LRRC7: variants seen among roughly 807,000 people sequenced by gnomAD.
LRRC7 encodes the protein leucine rich repeat containing 7.
A neutral mutation model predicts 175.7 loss-of-function variants in LRRC7; 23 were observed. That is an observed-to-expected ratio of 0.13 (90% CI 0.09 to 0.19). The LOEUF (loss-of-function observed/expected upper bound fraction) is 0.19, where lower values mean the gene tolerates loss of function less well. LRRC7 is among the 10% of genes least tolerant of loss of function. LRRC7 has a pLI of 1.00. For synonymous variants in LRRC7, 685 were observed against 680.9 expected, an observed-to-expected ratio of 1.01 and a Z score of -0.09; for missense variants, 1,354 against 1,904.7, an observed-to-expected ratio of 0.71 and a Z score of 5.38.
At chr1:69,820,451 G>A (rs1019580948) in intron 4 of LRRC7, among the ~76,000 whole-genome samples, 7 of 152,058 alleles carry the variant, frequency 4.6e-5, no homozygotes, top group Non-Finnish European at 7.4e-5. Context: ...CACGTGCCAT[G>A]GTGGTTTGCT....
rs1304548128 is a variant in LRRC7, at chr1:70,140,805, C to CAAAG, written c.*18920_*18923dup. Reference sequence around the variant, plus strand: ...AGGCCCTCCTATCCAATCACAGCCACAAAGACTGAATATTTTGGTTCAGAT... The same window carrying CAAAG: ...AGGCCCTCCTATCCAATCACAGCCACAAAGAAAGACTGAATATTTTGGTTCAGAT... On this transcript the variant is annotated 3_prime_UTR_variant, in exon 27 of 27. Coordinates refer to ENST00000651989, the MANE Select transcript of LRRC7 (RefSeq NM_001370785.2). Among the ~76,000 whole-genome samples, 1 of 152,122 alleles carries CAAAG rather than the reference C, an allele frequency of 6.6e-6. No individual in the cohort carries two copies. Among genetic ancestry groups the CAAAG allele is most frequent in the Non-Finnish European group, 1.5e-5 (1 of 67,996 alleles).
chr1:70,137,602 A>G lies in LRRC7; in HGVS notation c.*15715A>G, dbSNP rs1027266285. On this transcript the variant is annotated 3_prime_UTR_variant, in exon 27 of 27. Transcript: ENST00000651989. The stretch of plus-strand genomic sequence containing the variant: ...GTACCTAATAGACCCACCAGAGTTC[A>G]GTAAGAAATGCAACTTGAACAGCCC... Among the ~76,000 whole-genome samples, 2 of 152,228 alleles carry G rather than the reference A, an allele frequency of 1.3e-5. No homozygotes were observed. The highest frequency in any genetic ancestry group is 4.8e-5 in the African/African-American group (2 of 41,456).
At chr1:70,086,451 G>A (rs966899073) in intron 24 of LRRC7, among the ~76,000 whole-genome samples, 2 of 151,974 alleles carry the variant, frequency 1.3e-5, no homozygotes, top group East Asian at 1.9e-4. Flanking sequence ...ATATGTTTTC[G>A]GCCAAACCAT....
intron 11 of LRRC7, among the ~76,000 whole-genome samples, chr1:70,003,123 T>C (rs1655686849): frequency 6.6e-6 from 1 of 152,118 alleles, no homozygotes; most frequent in South Asian, 2.1e-4. Context: ...GCGACCACCA[T>C]GTTGCTGTGA....
At chr1:69,978,505 T>C (rs1653070133) in intron 8 of LRRC7, among the ~76,000 whole-genome samples, 1 of 152,214 alleles carries the variant, frequency 6.6e-6, no homozygotes, top group African/African-American at 2.4e-5. Flanking sequence ...TTCCCTATGA[T>C]CTAAGTGACA....
intron 22 of LRRC7, among the ~76,000 whole-genome samples, chr1:70,049,406 C>A (rs1295262611): frequency 2.0e-5 from 3 of 152,076 alleles, no homozygotes; most frequent in Admixed American, 6.6e-5. Context: ...GACTTAGTGG[C>A]TTATTTAATG....
At chr1:69,596,603 A>C (rs912200941) in intron 1 of LRRC7, among the ~76,000 whole-genome samples, 2 of 152,234 alleles carry the variant, frequency 1.3e-5, no homozygotes, top group African/African-American at 2.4e-5. Flanking sequence ...TTTAAGTGGG[A>C]CAAACTATTT....
chr1:69,909,497 C>A (rs1646448422), intron 7 of LRRC7, among the ~76,000 whole-genome samples: 1 of 152,068 alleles, frequency 6.6e-6, no homozygotes, highest in Admixed American at 6.6e-5. Flanking sequence ...ATTTGCTTGT[C>A]TGTAAAGTAT....
intron 1 of LRRC7, among the ~76,000 whole-genome samples, chr1:69,608,675 A>G (rs1439417981): frequency 6.6e-6 from 1 of 151,838 alleles, no homozygotes; most frequent in Non-Finnish European, 1.5e-5. Flanking sequence ...CAGGCTGTAC[A>G]TTTTGCTGAG....
In LRRC7 at chr1:70,023,171, A is replaced by G; in HGVS notation, c.1591A>G (p.Thr531Ala). 6.6e-7 allele frequency: 1 copy of G among 1,520,934 alleles called. No homozygotes were observed. Among genetic ancestry groups the G allele is most frequent in the Middle Eastern group, 1.8e-4 (1 of 5,700 alleles). The allele number at this position is 1,520,934 out of a possible 1,614,324, so 94.2% of individuals were successfully genotyped here. A position where few individuals can be genotyped will look rare whatever the true frequency, so the allele number is the denominator to read the frequency against. ...APWERGQRGI[T>A]LQPARLSGDC... is the part of the protein sequence containing the mutation. ...CTGGGAAAGGGGCCAGCGTGGGATT[A>G]CTCTCCAACCTGCCAGACTGTCTGG... Residue 531 changes from threonine to alanine, a missense_variant, in exon 17 of 27, where the codon ACT becomes GCT. This residue lies in a region of LRRC7 where 1,032 missense variants were observed against 1,227.2 expected (regional missense o/e 0.84). Transcript: ENST00000651989.
chr1:69,583,506 T>C (rs1275919333), intron 1 of LRRC7, among the ~76,000 whole-genome samples: 3 of 152,142 alleles, frequency 2.0e-5, no homozygotes, highest in African/African-American at 7.2e-5. Context: ...GGACTGCTTT[T>C]ATCCAGTAAA....
chr1:69,645,418 G>A (rs1484247134), intron 1 of LRRC7, among the ~76,000 whole-genome samples: 1 of 151,986 alleles, frequency 6.6e-6, no homozygotes, highest in African/African-American at 2.4e-5. Context: ...TTGTCTTTCT[G>A]TAATGTTTCC....
intron 4 of LRRC7, among the ~76,000 whole-genome samples, chr1:69,809,552 C>A (rs1677561091): frequency 6.6e-6 from 1 of 152,146 alleles, no homozygotes; most frequent in South Asian, 2.1e-4. Flanking sequence ...CCGAATCCAG[C>A]AGCACATTAA....
At chr1:69,848,150 G>A (rs541280616) in intron 7 of LRRC7, among the ~76,000 whole-genome samples, 1 of 152,186 alleles carries the variant, frequency 6.6e-6, no homozygotes, top group South Asian at 2.1e-4. Flanking sequence ...TTCTTCTTGA[G>A]TTTTTGCAAG....
In LRRC7 at chr1:69,982,293, T is replaced by C. The variant is rs558752131; in HGVS notation, c.786+1840T>C. On this transcript the variant is annotated intron_variant, in intron 9 of 26. Transcript: ENST00000651989. ...TATTTTGTATACTTGCACTTGGTAA[T>C]TTGTTATACGCTGTGTGGGAATACC... Among the ~76,000 whole-genome samples the C allele has an allele frequency of 2.6e-5, 4 of 152,302 alleles. No individual in the cohort carries two copies. In the East Asian group the frequency reaches 7.7e-4, roughly 29 times the overall value.
intron 2 of LRRC7, among the ~76,000 whole-genome samples, chr1:69,689,673 G>C (rs1034031158): frequency 2.0e-5 from 3 of 152,084 alleles, no homozygotes; most frequent in Non-Finnish European, 4.4e-5. Flanking sequence ...CAACAAAGCT[G>C]AAAGAATACC....
chr1:70,011,371 A>T (rs1656492939), intron 11 of LRRC7, among the ~76,000 whole-genome samples: 1 of 152,044 alleles, frequency 6.6e-6, no homozygotes, highest in African/African-American at 2.4e-5. Flanking sequence ...GCTTAGTAAA[A>T]TACCTAACAT....
chr1:69,889,375 G>A (rs1451549461), intron 7 of LRRC7, among the ~76,000 whole-genome samples: 1 of 152,168 alleles, frequency 6.6e-6, no homozygotes, highest in African/African-American at 2.4e-5. Flanking sequence ...ACCTACAGTA[G>A]AACTTCTTTC....
chr1:69,722,907 G>A (rs1285343185), intron 2 of LRRC7, among the ~76,000 whole-genome samples: 1 of 151,882 alleles, frequency 6.6e-6, no homozygotes, highest in African/African-American at 2.4e-5. Context: ...CTCTTTGTAT[G>A]TAATATATAT....
Sources: gnomAD v4.1 joint callset for allele counts (sites outside exome capture counted in the v4.1 genomes callset) on GRCh38, gnomAD v4.1.1 for gene constraint, gnomAD v4.1.1 regional missense constraint, MANE v1.5 for transcripts, NCBI Gene and HGNC (gene_info 2026-07-23, HGNC 2026-07-21) for gene names.